Variants in FOXN3 observed in about 807,000 individuals in gnomAD.
The protein encoded by FOXN3 is forkhead box protein N3.
In FOXN3, 7 loss-of-function variants were observed where a neutral mutation model predicts 38.4. The ratio of observed to expected loss-of-function variants is 0.18; its 90% CI spans 0.10 to 0.34. The LOEUF (loss-of-function observed/expected upper bound fraction) is 0.34. FOXN3 is among the 10% of genes least tolerant of loss of function. FOXN3 has a pLI of 1.00. For missense variants in FOXN3, 456 were observed against 613.4 expected (o/e 0.74, Z 2.71); for synonymous variants, 230 against 242.2 (o/e 0.95, Z 0.47).
chr14:89,571,104 C>G (rs747699658), intron 1 of FOXN3, among the ~76,000 whole-genome samples: 1 of 152,198 alleles, frequency 6.6e-6, no homozygotes, highest in East Asian at 1.9e-4. Context: ...CAGACTCTTA[C>G]TTTGAACCTA....
chr14:89,592,212 G>A (rs951012864), intron 1 of FOXN3, among the ~76,000 whole-genome samples: 5 of 152,126 alleles, frequency 3.3e-5, no homozygotes, highest in Admixed American at 6.6e-5. Context: ...AAATAAATAA[G>A]CAAACAGAAG....
chr14:89,215,048 G>A (rs1399093763), intron 4 of FOXN3, among the ~76,000 whole-genome samples: 2 of 152,158 alleles, frequency 1.3e-5, no homozygotes, highest in Non-Finnish European at 2.9e-5. Flanking sequence ...TTTGCAAGGC[G>A]TCTAAACCAG....
At chr14:89,335,784 T>C (rs1025603795) in intron 3 of FOXN3, among the ~76,000 whole-genome samples, 7 of 152,200 alleles carry the variant, frequency 4.6e-5, no homozygotes, top group African/African-American at 1.7e-4. Context: ...CAAAATATGT[T>C]GCTCTAACAA....
intron 1 of FOXN3, among the ~76,000 whole-genome samples, chr14:89,585,649 T>C (rs763666280): frequency 3.2e-4 from 48 of 149,334 alleles, no homozygotes; most frequent in Non-Finnish European, 4.9e-4. Context: ...TGGATAATAA[T>C]AAAGAAATAA....
intron 1 of FOXN3, among the ~76,000 whole-genome samples, chr14:89,428,608 G>A (rs1232224724): frequency 6.6e-6 from 1 of 152,244 alleles, no homozygotes; most frequent in Non-Finnish European, 1.5e-5. Flanking sequence ...CTTCCAGAGA[G>A]GAATCCTGAA....
intron 1 of FOXN3, among the ~76,000 whole-genome samples, chr14:89,616,283 GA>G (rs1162887317): frequency 1.3e-5 from 2 of 151,980 alleles, no homozygotes; most frequent in African/African-American, 4.8e-5. Context: ...CAAGATACTG[GA>G]AATATTTGCA....
At chr14:89,324,700 C>T (rs1356072437) in intron 3 of FOXN3, among the ~76,000 whole-genome samples, 1 of 151,964 alleles carries the variant, frequency 6.6e-6, no homozygotes, top group Non-Finnish European at 1.5e-5. Context: ...CACATGGGTC[C>T]CCTGAAAACC....
intron 1 of FOXN3, among the ~76,000 whole-genome samples, chr14:89,444,518 T>C (rs949214864): frequency 6.6e-6 from 1 of 152,156 alleles, no homozygotes; most frequent in Non-Finnish European, 1.5e-5. Context: ...GCCTTTGATT[T>C]CTAATCACAA....
At chr14:89,426,791 C>T (rs569771819) in intron 1 of FOXN3, among the ~76,000 whole-genome samples, 3 of 152,166 alleles carry the variant, frequency 2.0e-5, no homozygotes, top group South Asian at 2.1e-4. Flanking sequence ...AACACACAGC[C>T]GGTAAATGAT....
intron 1 of FOXN3, among the ~76,000 whole-genome samples, chr14:89,455,710 G>T (rs1464304656): frequency 1.2e-4 from 18 of 152,264 alleles, no homozygotes; most frequent in African/African-American, 3.9e-4. Context: ...AGGCAAGAAG[G>T]ACAGAATCTC....
chr14:89,290,195 G>T, intron 3 of FOXN3: 1 of 240,536 alleles, frequency 4.2e-6, no homozygotes, highest in Non-Finnish European at 8.5e-6. Context: ...ACTCAGGTGA[G>T]GGGGTTCACT....
At chr14:89,564,627 G>A (rs369749568) in intron 1 of FOXN3, among the ~76,000 whole-genome samples, 16 of 152,252 alleles carry the variant, frequency 1.1e-4, no homozygotes, top group African/African-American at 3.6e-4. Context: ...AACCTTACCC[G>A]ACCTCACCTG....
chr14:89,521,766 G>A (rs999303000), intron 1 of FOXN3, among the ~76,000 whole-genome samples: 6 of 151,902 alleles, frequency 3.9e-5, no homozygotes, highest in Non-Finnish European at 8.8e-5. Context: ...AAAAAATAGC[G>A]AATTTACTGA....
At chr14:89,254,030 A>C (rs1885542937) in intron 4 of FOXN3, among the ~76,000 whole-genome samples, 1 of 152,162 alleles carries the variant, frequency 6.6e-6, no homozygotes, top group African/African-American at 2.4e-5. Context: ...CAAGAGCACC[A>C]GTCTTGGAAC....
chr14:89,509,070 C>T (rs1469411711), intron 1 of FOXN3, among the ~76,000 whole-genome samples: 2 of 152,222 alleles, frequency 1.3e-5, no homozygotes, highest in African/African-American at 2.4e-5. Flanking sequence ...AGCTCATCTC[C>T]TACTTCCCTC....
chr14:89,410,205 C>T (rs908609501), intron 2 of FOXN3, among the ~76,000 whole-genome samples: 1 of 150,894 alleles, frequency 6.6e-6, no homozygotes, highest in Admixed American at 6.6e-5. Flanking sequence ...CTGATTCATA[C>T]TCTCCCATGC....
At chr14:89,204,091 ACACACAC>A (rs1205714745) in intron 4 of FOXN3, among the ~76,000 whole-genome samples, 2 of 144,626 alleles carry the variant, frequency 1.4e-5, no homozygotes, top group African/African-American at 2.8e-5. Flanking sequence ...ACACACACAC[ACACACAC>A]ACACAACTAC....
chr14:89,241,192 A>C (rs1332651043), intron 4 of FOXN3, among the ~76,000 whole-genome samples: 5 of 152,242 alleles, frequency 3.3e-5, no homozygotes, highest in African/African-American at 4.8e-5. Context: ...CTATGGCTCC[A>C]AGTGCAACCC....
chr14:89,443,174 A>G (rs1892422346), intron 1 of FOXN3, among the ~76,000 whole-genome samples: 1 of 152,230 alleles, frequency 6.6e-6, no homozygotes, highest in Non-Finnish European at 1.5e-5. Context: ...CATGAGTGGT[A>G]ACTGCATGAC....
Sources: allele counts gnomAD v4.1 joint callset (sites outside exome capture counted in the v4.1 genomes callset), GRCh38; gene constraint gnomAD v4.1.1; transcripts MANE v1.5; gene names NCBI Gene and HGNC (gene_info 2026-07-23, HGNC 2026-07-21).